The following LRP2 variants were observed in gnomAD, a reference collection of about 807,000 sequenced individuals.
The protein encoded by LRP2 is LDL receptor related protein 2.
Under a neutral mutation model 531.0 loss-of-function variants are expected in LRP2, and 172 were observed. The observed-to-expected ratio is 0.32, with a 90% CI of 0.29 to 0.37. LRP2 has a LOEUF of 0.37. Ranked by LOEUF, LRP2 falls within the 10% of genes least tolerant of loss-of-function variation. LRP2 has a pLI of 1.00. For synonymous variants in LRP2, 1,992 were observed against 2,027.6 expected, an observed-to-expected ratio of 0.98 and a Z score of 0.47; for missense variants, 5,167 against 5,868.3, an observed-to-expected ratio of 0.88 and a Z score of 3.90.
In LRP2 at chr2:169,128,353, G is replaced by A. The variant is rs753321063; in HGVS notation, c.*310C>T. 4 of 259,998 alleles carry A rather than the reference G, an allele frequency of 1.5e-5. No individual in the cohort carries two copies. In the East Asian group the frequency reaches 3.1e-4, roughly 20 times the overall value. The allele number at this position is 259,998 out of a possible 1,614,324, so 16.1% of individuals were successfully genotyped here. On this transcript the variant is annotated 3_prime_UTR_variant, in exon 79 of 79. Transcript: ENST00000649046. The stretch of plus-strand genomic sequence containing the variant: ...ACTATAATGATCACCAACCAAATCA[G>A]CAGACATCTTTATTAGCAAATTCAG...
At chr2:169,157,554 C>G (rs753993315) in intron 63 of LRP2, 52 bp from the exon 64 acceptor site, 3 of 1,603,788 alleles carry the variant, frequency 1.9e-6, no homozygotes, top group Non-Finnish European at 2.6e-6. Flanking sequence ...AAATAACAGT[C>G]AAGTGGTGTA....
At chr2:169,134,605 T>C (rs139334150) in intron 76 of LRP2, among the ~76,000 whole-genome samples, 14,051 of 152,146 alleles carry the variant, frequency 0.092, 1,375 homozygotes, top group African/African-American at 0.25. Flanking sequence ...ACATCTATCA[T>C]TGAGGCTACC....
intron 16 of LRP2, among the ~76,000 whole-genome samples, chr2:169,267,045 A>C (rs1268734358): frequency 6.6e-6 from 1 of 151,612 alleles, no homozygotes; most frequent in Non-Finnish European, 1.5e-5. Flanking sequence ...ATGCCACCAC[A>C]TCTGGCTAAT....
intron 16 of LRP2, among the ~76,000 whole-genome samples, chr2:169,263,765 T>C (rs1690670049): frequency 6.6e-6 from 1 of 152,168 alleles, no homozygotes; most frequent in Non-Finnish European, 1.5e-5. Context: ...CAGAGGACTA[T>C]AAATCATGCT....
chr2:169,295,713 C>G (rs990129952), intron 4 of LRP2, among the ~76,000 whole-genome samples: 1 of 152,176 alleles, frequency 6.6e-6, no homozygotes, highest in African/African-American at 2.4e-5. Context: ...GGACATTACT[C>G]TCTGTGCTTG....
In LRP2 at chr2:169,238,102, C is replaced by G. The variant is rs201993572; in HGVS notation, c.4495G>C (p.Asp1499His). Residue 1499 changes from aspartate to histidine, a missense_variant, in exon 27 of 79, where the codon GAC becomes CAC. Physicochemically the swap from Asp to His is moderately conservative, Grantham distance 81. Coordinates refer to ENST00000649046, the MANE Select transcript of LRP2 (RefSeq NM_004525.3). ...AGAAATGTACTTACCACTCTTCTGT[C>G]CGTTCCATTTTGAAACGCACTCCAG... is the stretch of plus-strand genomic sequence containing the variant. ...KTWSAFQNGT[D>H]RRVVFDSSII... 48 of 1,613,868 alleles carry G rather than the reference C, an allele frequency of 3.0e-5. No individual in the cohort carries two copies. In the South Asian group the frequency reaches 4.9e-4, roughly 17 times the overall value.
intron 31 of LRP2, among the ~76,000 whole-genome samples, chr2:169,230,621 A>G (rs1689363711): frequency 6.6e-6 from 1 of 152,238 alleles, no homozygotes; most frequent in African/African-American, 2.4e-5. Context: ...ATATTCATTC[A>G]GTTCTCTTCA....
intron 38 of LRP2, 110 bp downstream of exon 38, chr2:169,209,343 A>T: frequency 1.0e-6 from 1 of 978,352 alleles, no homozygotes; most frequent in Non-Finnish European, 1.7e-6. Context: ...TGGTCTTAAT[A>T]ATTGTCTAGA....
intron 16 of LRP2, among the ~76,000 whole-genome samples, chr2:169,268,509 C>A (rs1302139753): frequency 6.6e-6 from 1 of 152,222 alleles, no homozygotes; most frequent in African/African-American, 2.4e-5. Context: ...ACAAAAACCA[C>A]ATGATTATCT....
rs545239223 is a variant in LRP2, at chr2:169,206,666, C to T, written c.7054G>A (p.Gly2352Arg). The T allele has an allele frequency of 2.5e-6, 4 of 1,614,116 alleles. No individual in the cohort carries two copies. Among genetic ancestry groups the T allele is most frequent in the Admixed American group, 1.7e-5 (1 of 60,014 alleles). Residue 2352 changes from glycine to arginine, a missense_variant, in exon 39 of 79, where the codon GGG becomes AGG. Coordinates refer to ENST00000649046, the MANE Select transcript of LRP2 (RefSeq NM_004525.3). ...AGAGCAAAGCAGAGATGAGAGCACC[C>T]ACCATTGTTTTCCAAGCAAGGGTTG... ...NNNPCLENNG[G>R]CSHLCFALPG... is the part of the protein sequence containing the mutation.
intron 68 of LRP2, among the ~76,000 whole-genome samples, chr2:169,149,890 C>G (rs1158096559): frequency 6.6e-6 from 1 of 150,604 alleles, no homozygotes; most frequent in African/African-American, 2.4e-5. Flanking sequence ...GGAGGGATAT[C>G]AGAGTATGAT....
chr2:169,210,909 A>G (rs149210088), intron 37 of LRP2, among the ~76,000 whole-genome samples: 1 of 152,350 alleles, frequency 6.6e-6, no homozygotes, highest in East Asian at 1.9e-4. Flanking sequence ...ACACATACAA[A>G]TTGAGAGCTC....
Position 169,294,228 on chromosome 2 carries a change from C to T in LRP2, c.572G>A (p.Gly191Asp). 1.2e-6 allele frequency: 2 copies of T among 1,613,390 alleles called. No homozygotes were observed. Among genetic ancestry groups the T allele is most frequent in the Non-Finnish European group, 1.7e-6 (2 of 1,179,434 alleles). The change falls in exon 6 of 79, where the codon GGC (glycine) becomes GAC (aspartate). Residue 191 changes from glycine to aspartate, a missense_variant. Transcript: ENST00000649046. ...EICLHNEFSC[G>D]NGECIPRAYV... ...AGCACGAGGGATACACTCTCCATTG[C>T]CACATGAAAACTCATTGTGCAAGCA...
intron 16 of LRP2, among the ~76,000 whole-genome samples, chr2:169,262,089 A>G (rs1203588590): frequency 6.6e-6 from 1 of 151,938 alleles, no homozygotes; most frequent in Non-Finnish European, 1.5e-5. Flanking sequence ...TTGATGGGGC[A>G]TATCTCAAAA....
rs767925581 is a variant in LRP2 at position 169,259,049 on chromosome 2, G to A, written c.2489C>T (p.Ser830Leu). 2.5e-6 allele frequency: 4 copies of A among 1,612,976 alleles called. No individual in the cohort carries two copies. The highest frequency in any genetic ancestry group is 2.7e-5 in the African/African-American group (2 of 74,752). Residue 830 changes from serine (S) to leucine (L), a missense_variant, in exon 17 of 79, where the codon TCG becomes TTG. Physicochemically the swap from Ser to Leu is moderately radical, Grantham distance 145. Around this residue, in one of 6 missense-constraint regions of LRP2, gnomAD observed 2,811 missense variants for 3,058.0 expected, o/e 0.92. Transcript: ENST00000649046. The stretch of plus-strand genomic sequence containing the variant: ...CCCGGCAAAAGGATGAACTACCACC[G>A]ACCGTGGGTTATTTAAATACTGAAC... ...TVVQYLNNPR[S>L]VVVHPFAGYL... is the part of the protein sequence containing the mutation.
chr2:169,256,301 G>GGT, intron 18 of LRP2, 65 bp from the exon 19 acceptor site: 7 of 1,413,918 alleles, frequency 5.0e-6, no homozygotes, highest in South Asian at 1.2e-5. Flanking sequence ...TTACACAAAG[G>GGT]GCATCCAAAA....
intron 16 of LRP2, 147 bp downstream of exon 16, chr2:169,270,757 T>TGTAAATAA (rs1553506642): frequency 4.7e-6 from 1 of 210,998 alleles, no homozygotes; most frequent in Non-Finnish European, 8.8e-6. Context: ...AGTAAAATAG[T>TGTAAATAA]ATAAATAAAT....
intron 50 of LRP2, among the ~76,000 whole-genome samples, chr2:169,185,042 T>G (rs1445418149): frequency 6.6e-6 from 1 of 152,156 alleles, no homozygotes; most frequent in Non-Finnish European, 1.5e-5. Flanking sequence ...ATTACAGGCG[T>G]GAGCCACTGC....
intron 16 of LRP2, among the ~76,000 whole-genome samples, chr2:169,264,796 A>C (rs1020296578): frequency 1.3e-5 from 2 of 152,004 alleles, no homozygotes; most frequent in South Asian, 4.1e-4. Context: ...GATAAGGAGC[A>C]ATCCAATGCC....
Sources: gnomAD v4.1 joint callset for allele counts (sites outside exome capture counted in the v4.1 genomes callset) on GRCh38, gnomAD v4.1.1 for gene constraint, gnomAD v4.1.1 regional missense constraint, MANE v1.5 for transcripts, NCBI Gene and HGNC (gene_info 2026-07-23, HGNC 2026-07-21) for gene names.